SYT10: variants seen among roughly 807,000 people sequenced by gnomAD.
SYT10 encodes the protein synaptotagmin 10.
SYT10 carries 31 observed loss-of-function variants against 51.1 expected under a neutral mutation model. The ratio of observed to expected loss-of-function variants is 0.61; its 90% CI spans 0.46 to 0.82. The LOEUF (loss-of-function observed/expected upper bound fraction) is 0.82. Ranked by LOEUF, SYT10 falls within the 40% of genes least tolerant of loss-of-function variation. The pLI, the probability that SYT10 is intolerant of heterozygous loss-of-function variation, is 0.00. For synonymous variants in SYT10, 233 were observed against 225.9 expected, an observed-to-expected ratio of 1.03 and a Z score of -0.28; for missense variants, 603 against 634.0, an observed-to-expected ratio of 0.95 and a Z score of 0.53.
At chr12:33,439,217 T>C (rs1866663028) in intron 1 of SYT10, among the ~76,000 whole-genome samples, 155 bp downstream of exon 1, 1 of 152,186 alleles carries the variant, frequency 6.6e-6, no homozygotes, top group African/African-American at 2.4e-5. Flanking sequence ...CTCGAAGTCG[T>C]CAGGAGCTGA....
chr12:33,379,982 T>C (rs777975949), intron 5 of SYT10, 21 bp from the exon 6 acceptor site: 210 of 1,578,478 alleles, frequency 1.3e-4, no homozygotes, highest in Non-Finnish European at 1.8e-4. Flanking sequence ...TGGGATATTA[T>C]ATTTTCATTT....
intron 3 of SYT10, among the ~76,000 whole-genome samples, chr12:33,393,747 T>A (rs1866230196): frequency 6.6e-6 from 1 of 152,190 alleles, no homozygotes; most frequent in South Asian, 2.1e-4. Context: ...CTCTCTGATT[T>A]CATCTCCCAT....
At chr12:33,383,814 G>C (rs537377516) in intron 4 of SYT10, among the ~76,000 whole-genome samples, 1 of 152,090 alleles carries the variant, frequency 6.6e-6, no homozygotes, top group Non-Finnish European at 1.5e-5. Context: ...CAAAGCATGC[G>C]CTCCTCCGAT....
chr12:33,434,579 G>A (rs529705350), intron 1 of SYT10, among the ~76,000 whole-genome samples: 3 of 152,126 alleles, frequency 2.0e-5, no homozygotes, highest in South Asian at 2.1e-4. Context: ...AGAAGTGGGC[G>A]GATCACCTGA....
chr12:33,380,398 T>G, intron 5 of SYT10, among the ~76,000 whole-genome samples: 1 of 152,224 alleles, frequency 6.6e-6, no homozygotes, highest in East Asian at 1.9e-4. Flanking sequence ...ACCAATTTTC[T>G]TTAATTGACT....
At chr12:33,405,890 A>T (rs1195549315) in intron 3 of SYT10, 1 of 151,752 alleles carries the variant, frequency 6.6e-6, no homozygotes, top group Non-Finnish European at 1.5e-5. Context: ...AAAAAAGAAC[A>T]TAATTTTTCA....
chr12:33,427,323 C>G (rs114080757), intron 1 of SYT10, among the ~76,000 whole-genome samples: 1 of 152,038 alleles, frequency 6.6e-6, no homozygotes, highest in African/African-American at 2.4e-5. Flanking sequence ...GGAAATGGGC[C>G]GATGGGACTA....
At chr12:33,389,806 C>T (rs948916087) in intron 3 of SYT10, among the ~76,000 whole-genome samples, 13 of 152,156 alleles carry the variant, frequency 8.5e-5, no homozygotes, top group African/African-American at 3.1e-4. Context: ...AAATGAGCTT[C>T]TTCATCAAGT....
At chr12:33,426,015 CCT>C in intron 2 of SYT10, 121 bp downstream of exon 2, 1 of 971,772 alleles carries the variant, frequency 1.0e-6, no homozygotes. Flanking sequence ...TCCCATTTCT[CCT>C]GTTTCTCTTT....
intron 2 of SYT10, among the ~76,000 whole-genome samples, chr12:33,410,750 A>G (rs1000530421): frequency 3.3e-5 from 5 of 152,200 alleles, no homozygotes; most frequent in African/African-American, 1.2e-4. Flanking sequence ...ATATCAGATT[A>G]GTGCTAAAGT....
At chr12:33,391,217 G>A (rs144142777) in intron 3 of SYT10, among the ~76,000 whole-genome samples, 219 of 151,678 alleles carry the variant, frequency 1.4e-3, no homozygotes, top group African/African-American at 5.0e-3. Flanking sequence ...GATTACAGGC[G>A]TGAGCCAACG....
intron 3 of SYT10, among the ~76,000 whole-genome samples, chr12:33,404,101 T>G (rs1866330733): frequency 6.6e-6 from 1 of 152,214 alleles, no homozygotes; most frequent in Non-Finnish European, 1.5e-5. Context: ...GCAGGTGGAA[T>G]AAAGGTAGCC....
chr12:33,422,089 TAA>T (rs58610962), intron 2 of SYT10, among the ~76,000 whole-genome samples: 20,153 of 146,138 alleles, frequency 0.14, 1,565 homozygotes, highest in African/African-American at 0.19. Context: ...CTTAAAGTAT[TAA>T]AAAAAAAAAC....
At chr12:33,406,646 T>C in intron 3 of SYT10, 143 bp downstream of exon 3, 1 of 698,564 alleles carries the variant, frequency 1.4e-6, no homozygotes, top group Non-Finnish European at 2.3e-6. Context: ...TTATTATTAG[T>C]AGAAATGAAA....
chr12:33,376,951 C>G, intron 6 of SYT10, 50 bp from the exon 7 acceptor site: 1 of 1,584,240 alleles, frequency 6.3e-7, no homozygotes, highest in Non-Finnish European at 8.7e-7. Context: ...AAATAGAACA[C>G]AGTGGTTAGT....
At chr12:33,397,067 C>T (rs1429164605) in intron 3 of SYT10, among the ~76,000 whole-genome samples, 1 of 152,156 alleles carries the variant, frequency 6.6e-6, no homozygotes, top group African/African-American at 2.4e-5. Context: ...CTTTGAAGGA[C>T]TAATTTGATT....
chr12:33,427,733 A>G (rs934294699), intron 1 of SYT10, among the ~76,000 whole-genome samples: 3 of 152,226 alleles, frequency 2.0e-5, no homozygotes, highest in African/African-American at 7.2e-5. Context: ...TCTTCATGAC[A>G]TATTTTTCTC....
At chr12:33,433,767 G>A (rs1454938999) in intron 1 of SYT10, among the ~76,000 whole-genome samples, 4 of 152,202 alleles carry the variant, frequency 2.6e-5, no homozygotes, top group Non-Finnish European at 5.9e-5. Context: ...TTATTGGCCA[G>A]TAATTATAGC....
At chr12:33,425,179 C>G (rs529250739) in intron 2 of SYT10, among the ~76,000 whole-genome samples, 23 of 151,976 alleles carry the variant, frequency 1.5e-4, no homozygotes, top group African/African-American at 5.3e-4. Context: ...AACATGGATG[C>G]GTCTTCGGTT....
Sources: allele counts gnomAD v4.1 joint callset (sites outside exome capture counted in the v4.1 genomes callset), GRCh38; gene constraint gnomAD v4.1.1; transcripts MANE v1.5; gene names NCBI Gene and HGNC (gene_info 2026-07-23, HGNC 2026-07-21).